CPAMD8: variants seen among roughly 807,000 people sequenced by gnomAD.
The protein encoded by CPAMD8 is C3 and PZP like alpha-2-macroglobulin domain containing 8, also known as C3 and PZP-like alpha-2-macroglobulin domain-containing protein 8.
Under a neutral mutation model 224.7 loss-of-function variants are expected in CPAMD8, and 146 were observed. That is an observed-to-expected ratio of 0.65 (90% CI 0.57 to 0.75). The LOEUF (loss-of-function observed/expected upper bound fraction) is 0.75. CPAMD8 is among the 30% of genes least tolerant of loss of function. The probability of loss-of-function intolerance (pLI) is 0.00; values close to 1 mark genes in which losing one functional copy is unlikely to be tolerated. For missense variants in CPAMD8, 2,301 were observed against 2,537.5 expected (o/e 0.91, Z 2.00); for synonymous variants, 966 against 1,044.6 (o/e 0.92, Z 1.45).
intron 14 of CPAMD8, among the ~76,000 whole-genome samples, chr19:16,978,255 T>C (rs10413915): frequency 0.49 from 74,849 of 151,802 alleles, 22,069 homozygotes; most frequent in African/African-American, 0.84. Flanking sequence ...GGTTCAAATC[T>C]TGGCTCTGGC....
intron 23 of CPAMD8, among the ~76,000 whole-genome samples, chr19:16,932,703 T>C (rs1023846070): frequency 2.0e-5 from 3 of 151,920 alleles, no homozygotes; most frequent in Non-Finnish European, 4.4e-5. Flanking sequence ...TGGGACACTA[T>C]AAAGTAACCA....
At chr19:17,012,617 C>T (rs2056692090) in intron 3 of CPAMD8, among the ~76,000 whole-genome samples, 1 of 152,162 alleles carries the variant, frequency 6.6e-6, no homozygotes, top group South Asian at 2.1e-4. Flanking sequence ...AGATTACAGA[C>T]GTGAGCCACT....
At chr19:16,980,444 T>C in intron 14 of CPAMD8, 53 bp downstream of exon 14, 1 of 1,553,660 alleles carries the variant, frequency 6.4e-7, no homozygotes, top group Admixed American at 1.7e-5. Context: ...CCCATCTCAG[T>C]CTCAATTGTT....
At chr19:17,001,474 G>A (rs73499122) in intron 9 of CPAMD8, among the ~76,000 whole-genome samples, 1,778 of 151,998 alleles carry the variant, frequency 0.012, 39 homozygotes, top group African/African-American at 0.041. Context: ...CACACCCTGG[G>A]GGGTAGGGCA....
chr19:16,956,927 A>C (rs1354143987), intron 19 of CPAMD8, among the ~76,000 whole-genome samples: 1 of 152,002 alleles, frequency 6.6e-6, no homozygotes, highest in African/African-American at 2.4e-5. Context: ...CAGCCTCCCA[A>C]AGTGCTGGGA....
chr19:17,000,628 G>A lies in CPAMD8; in HGVS notation c.759-106C>T, dbSNP rs1004631855. On this transcript the variant is annotated intron_variant, in intron 9 of 41. Transcript: ENST00000443236. ...ATAGTGTGGCCACTAGTACAGTGAT[G>A]GATGCAGCTCCCTCCACACCCTGCA... The A allele has an allele frequency of 1.2e-4, 74 of 638,722 alleles. 1 individual carries two copies. The African/African-American group carries it at 1.2e-3, about 11-fold the overall frequency. The allele number at this position is 638,722 out of a possible 1,614,324, so 39.6% of individuals were successfully genotyped here. A position where few individuals can be genotyped will look rare whatever the true frequency, so the allele number is the denominator to read the frequency against.
intron 10 of CPAMD8, 44 bp from the exon 11 acceptor site, chr19:16,997,382 G>C (rs766607310): frequency 5.2e-6 from 6 of 1,154,488 alleles, no homozygotes; most frequent in Non-Finnish European, 6.4e-6. Flanking sequence ...CAGGGTTGGA[G>C]TGTCTTTGAG....
At chr19:16,952,315 T>C in intron 19 of CPAMD8, 115 bp from the exon 20 acceptor site, 2 of 663,210 alleles carry the variant, frequency 3.0e-6, no homozygotes, top group Non-Finnish European at 5.3e-6. Flanking sequence ...CCTAGGAGCT[T>C]AGAAACAAGC....
intron 11 of CPAMD8, 84 bp downstream of exon 11, chr19:16,997,027 G>A (rs2056148565): frequency 1.2e-6 from 1 of 849,530 alleles, no homozygotes. Context: ...TTTCAGCTGA[G>A]TCACCACTGC....
At chr19:16,920,307 G>A (rs573554349) in intron 27 of CPAMD8, among the ~76,000 whole-genome samples, 10 of 151,606 alleles carry the variant, frequency 6.6e-5, no homozygotes, top group Non-Finnish European at 1.0e-4. Flanking sequence ...GTGAAACCCC[G>A]TCTCTATTAA....
intron 26 of CPAMD8, among the ~76,000 whole-genome samples, chr19:16,924,936 T>A (rs936019551): frequency 6.1e-5 from 9 of 148,350 alleles, no homozygotes; most frequent in African/African-American, 2.4e-4. Flanking sequence ...ATATTATTAT[T>A]GTTGTAAAAA....
chr19:16,959,882 CTTG>C (rs1253821828), intron 18 of CPAMD8, among the ~76,000 whole-genome samples: 1 of 152,114 alleles, frequency 6.6e-6, no homozygotes. Context: ...AAGGATGTAA[CTTG>C]TTAACTCTTT....
At chr19:17,009,426 T>G (rs1429385383) in intron 5 of CPAMD8, 106 bp from the exon 6 acceptor site, 35 of 1,584,258 alleles carry the variant, frequency 2.2e-5, no homozygotes, top group Middle Eastern at 3.4e-4. Flanking sequence ...GTCGCTGTTA[T>G]GGGTTAAACA....
chr19:17,022,228 G>C (rs766057642), intron 1 of CPAMD8, 47 bp from the exon 2 acceptor site: 41 of 1,581,818 alleles, frequency 2.6e-5, no homozygotes, highest in Non-Finnish European at 3.4e-5. Flanking sequence ...CAGACCCCTG[G>C]TCTCGCTGCC....
intron 14 of CPAMD8, among the ~76,000 whole-genome samples, chr19:16,979,447 A>AATCCACCCATTTATCTATC (rs55893095): frequency 0.52 from 68,753 of 132,398 alleles, 19,365 homozygotes; most frequent in African/African-American, 0.81. Flanking sequence ...TCCATCTATC[A>AATCCACCCATTTATCTATC]ATCCACCCAT....
intron 22 of CPAMD8, among the ~76,000 whole-genome samples, chr19:16,943,601 T>C (rs570950861): frequency 2.2e-4 from 33 of 152,306 alleles, no homozygotes; most frequent in Admixed American, 8.5e-4. Flanking sequence ...TAATATTCCA[T>C]TGCATTGAGG....
intron 23 of CPAMD8, among the ~76,000 whole-genome samples, chr19:16,932,563 A>AAATAC (rs58044819): frequency 0.085 from 12,952 of 152,222 alleles, 1,627 homozygotes; most frequent in African/African-American, 0.28. Context: ...ATGAAATACA[A>AAATAC]AATAGGAAGC....
chr19:16,970,996 A>G lies in CPAMD8; in HGVS notation c.2108T>C (p.Leu703Pro). 1 of 1,612,760 alleles carries G rather than the reference A, an allele frequency of 6.2e-7. No homozygotes were observed. Among genetic ancestry groups the G allele is most frequent in the Non-Finnish European group, 8.5e-7 (1 of 1,179,274 alleles). The change falls in exon 18 of 42, where the codon CTG becomes CCG. Residue 703 changes from leucine (L) to proline (P), a missense_variant. This residue lies in a region of CPAMD8 where 1,709 missense variants were observed against 1,753.2 expected (regional missense o/e 0.97). Transcript: ENST00000443236. ...GAGGCCACCGTCCTGCCGGTGGTTC[A>G]GGCTCACTCGGTCGGTCATCACCAC... ...GLVVMTDRVSLNHRQDGGLYT... is the reference protein window; with the variant it reads ...GLVVMTDRVSPNHRQDGGLYT...
intron 7 of CPAMD8, among the ~76,000 whole-genome samples, chr19:17,006,860 CA>C (rs1225637215): frequency 1.3e-5 from 2 of 152,208 alleles, no homozygotes; most frequent in Non-Finnish European, 2.9e-5. Flanking sequence ...TCCTTCCTAG[CA>C]CTCATCACAA....
Sources: allele counts gnomAD v4.1 joint callset (sites outside exome capture counted in the v4.1 genomes callset), GRCh38; gene constraint gnomAD v4.1.1; regional missense constraint gnomAD v4.1.1; transcripts MANE v1.5; gene names NCBI Gene and HGNC (gene_info 2026-07-23, HGNC 2026-07-21).